The following DNAH7 variants were observed in gnomAD, a reference collection of about 807,000 sequenced individuals.
DNAH7 encodes axonemal beta dynein heavy chain 7.
A neutral mutation model predicts 444.6 loss-of-function variants in DNAH7; 397 were observed. The observed-to-expected ratio is 0.89, with a 90% CI of 0.82 to 0.97. The LOEUF (loss-of-function observed/expected upper bound fraction) is 0.97. DNAH7 is among the 50% of genes least tolerant of loss of function. DNAH7 has a pLI of 0.00. For synonymous variants in DNAH7, 1,636 were observed against 1,624.4 expected, an observed-to-expected ratio of 1.01 and a Z score of -0.17; for missense variants, 4,902 against 4,800.8, an observed-to-expected ratio of 1.02 and a Z score of -0.62.
intron 19 of DNAH7, among the ~76,000 whole-genome samples, chr2:195,947,428 T>C (rs1436483181): frequency 6.6e-6 from 1 of 152,188 alleles, no homozygotes; most frequent in African/African-American, 2.4e-5. Context: ...TTTCTCCTAA[T>C]GCTATCCCTC....
chr2:195,988,876 C>G (rs1693102507), intron 12 of DNAH7, among the ~76,000 whole-genome samples: 1 of 152,154 alleles, frequency 6.6e-6, no homozygotes, highest in African/African-American at 2.4e-5. Context: ...AACCACTACT[C>G]TACTCTTTAT....
intron 47 of DNAH7, among the ~76,000 whole-genome samples, chr2:195,840,035 A>G (rs1378115265): frequency 3.3e-5 from 5 of 151,790 alleles, no homozygotes; most frequent in Non-Finnish European, 7.4e-5. Context: ...TCTGAAAGCA[A>G]AACCATACAG....
At chr2:196,044,939 T>C (rs144663971) in intron 5 of DNAH7, among the ~76,000 whole-genome samples, 3 of 151,932 alleles carry the variant, frequency 2.0e-5, no homozygotes, top group African/African-American at 7.2e-5. Flanking sequence ...TAGTCAGGTG[T>C]TGTGGCACGT....
chr2:195,848,749 A>T, intron 46 of DNAH7, among the ~76,000 whole-genome samples: 1 of 152,134 alleles, frequency 6.6e-6, no homozygotes, highest in Non-Finnish European at 1.5e-5. Context: ...GGGGTTGGGT[A>T]TTTTGAATCA....
At chr2:195,960,104 G>C (rs1394143210) in intron 18 of DNAH7, among the ~76,000 whole-genome samples, 156 bp downstream of exon 18, 1 of 152,056 alleles carries the variant, frequency 6.6e-6, no homozygotes, top group Non-Finnish European at 1.5e-5. Context: ...TATTTAGTAT[G>C]AAATGCTAAG....
chr2:195,771,627 A>G (rs1441495968), intron 61 of DNAH7, 33 bp downstream of exon 61: 1 of 1,482,326 alleles, frequency 6.7e-7, no homozygotes, highest in African/African-American at 1.4e-5. Flanking sequence ...TATATAATTT[A>G]ATGGGGGTTT....
chr2:195,943,475 A>C (rs1689601600), intron 19 of DNAH7, among the ~76,000 whole-genome samples: 2 of 152,164 alleles, frequency 1.3e-5, no homozygotes, highest in South Asian at 4.1e-4. Flanking sequence ...GAAAACAAAA[A>C]TTCATTTCGT....
Position 196,001,665 on chromosome 2 carries a change from C to T in DNAH7, c.1173+10G>A. Reference sequence around the variant, plus strand: ...TGTAAATACATATTGGTGAACTGAACCATACTTACTGGGGGTTGTGCAATT... The same window carrying T: ...TGTAAATACATATTGGTGAACTGAATCATACTTACTGGGGGTTGTGCAATT... On this transcript the variant is annotated intron_variant, in intron 11 of 64. Transcript: ENST00000312428. 1 of 1,529,430 alleles carries T rather than the reference C, an allele frequency of 6.5e-7. No homozygotes were observed. Among genetic ancestry groups the T allele is most frequent in the South Asian group, 1.3e-5 (1 of 75,940 alleles). The allele number at this position is 1,529,430 out of a possible 1,614,324, so 94.7% of individuals were successfully genotyped here.
Position 195,897,604 on chromosome 2 carries a change from T to C in DNAH7, c.4647+63A>G, listed in dbSNP as rs1702395197. Reference sequence around the variant, plus strand: ...TTCCATAGTGGGAGCTTCACAACCTTAGACATGTGATAAATACATTATTAT... The same window carrying C: ...TTCCATAGTGGGAGCTTCACAACCTCAGACATGTGATAAATACATTATTAT... On this transcript the variant is annotated intron_variant, in intron 29 of 64. Transcript: ENST00000312428. 5.3e-6 allele frequency: 5 copies of C among 943,334 alleles called. No homozygotes were observed. In the Admixed American group the frequency reaches 8.7e-5, roughly 17 times the overall value. 58.4% of individuals were successfully genotyped at this position (943,334 alleles called of 1,614,324 possible).
chr2:195,773,777 A>G (rs917177922), intron 60 of DNAH7, among the ~76,000 whole-genome samples: 1 of 152,198 alleles, frequency 6.6e-6, no homozygotes, highest in African/African-American at 2.4e-5. Flanking sequence ...CTAGTTTTAT[A>G]ATATTCTAAG....
chr2:196,025,674 T>C (rs1435718283), intron 7 of DNAH7, among the ~76,000 whole-genome samples: 1 of 152,224 alleles, frequency 6.6e-6, no homozygotes, highest in African/African-American at 2.4e-5. Flanking sequence ...TATCTTCTGT[T>C]TCTTTCCTCT....
rs1335419290 is a variant in DNAH7, at chr2:195,864,666, A to G, written c.6989T>C (p.Leu2330Pro). The change falls in exon 41 of 65, where the codon CTG (leucine) becomes CCG (proline). Residue 2330 changes from leucine (L) to proline (P), a missense_variant. By Grantham distance (98) the Leu-to-Pro change is moderately conservative. Coordinates refer to ENST00000312428, the MANE Select transcript of DNAH7 (RefSeq NM_018897.3). ...IEHISRISRILKQPRSHALLV... is the reference protein window; with the variant it reads ...IEHISRISRIPKQPRSHALLV... ...GAGAGCATGGCTGCGAGGCTGCTTC[A>G]GGATCCTGGAAATTCTGCTGATGTG... 1 of 1,614,088 alleles carries G rather than the reference A, an allele frequency of 6.2e-7. No homozygotes were observed. Among genetic ancestry groups the G allele is most frequent in the African/African-American group, 1.3e-5 (1 of 74,938 alleles).
chr2:195,976,619 G>A (rs540399871), intron 15 of DNAH7, among the ~76,000 whole-genome samples: 14 of 152,226 alleles, frequency 9.2e-5, no homozygotes, highest in African/African-American at 2.4e-4. Flanking sequence ...CCTTAAATGA[G>A]AACCAGTGTT....
chr2:196,026,906 G>A lies in DNAH7; in HGVS notation c.521C>T (p.Thr174Ile), dbSNP rs771603013. ...YYYYIHHGID[T>I]DHVAPMEDSW... ...ATCTTCCATTGGGGCTACATGGTCT[G>A]TATCAATTCCATGGTGAATATAATA... Residue 174 changes from threonine (T) to isoleucine (I), a missense_variant, in exon 7 of 65, where the codon ACA (threonine) becomes ATA (isoleucine). Coordinates refer to ENST00000312428, the MANE Select transcript of DNAH7 (RefSeq NM_018897.3). 4 of 1,611,074 alleles carry A rather than the reference G, an allele frequency of 2.5e-6. No individual in the cohort carries two copies. The highest frequency in any genetic ancestry group is 3.4e-6 in the Non-Finnish European group (4 of 1,178,116).
chr2:195,833,819 T>A (rs749346884), intron 48 of DNAH7, among the ~76,000 whole-genome samples: 1 of 151,972 alleles, frequency 6.6e-6, no homozygotes, highest in Non-Finnish European at 1.5e-5. Flanking sequence ...GTAGTGGCAC[T>A]CTCTCGGCTC....
intron 40 of DNAH7, among the ~76,000 whole-genome samples, chr2:195,868,245 C>T (rs543845645): frequency 1.7e-3 from 252 of 151,652 alleles, no homozygotes; most frequent in African/African-American, 5.8e-3. Flanking sequence ...TACAGGTGCC[C>T]GCCACCACAC....
rs537891498 is a variant in DNAH7, at chr2:195,864,343, G to A, written c.7312C>T (p.Arg2438Cys). 5.6e-5 allele frequency: 90 copies of A among 1,614,106 alleles called. No homozygotes were observed. The East Asian group carries it at 1.4e-3, about 24-fold the overall frequency. The change falls in exon 41 of 65, where the codon CGT becomes TGT. Residue 2438 changes from arginine to cysteine, a missense_variant. Physicochemically the swap from Arg to Cys is radical, Grantham distance 180. Transcript: ENST00000312428. ...DEKQEICDKM[R>C]QLDRQRDKTK... ...TTATCCCGCTGGCGATCTAACTGAC[G>A]CATCTTATCACATATCTCTTGCTTC...
intron 12 of DNAH7, chr2:195,999,153 G>C (rs1399107602): frequency 7.0e-6 from 5 of 717,438 alleles, no homozygotes; most frequent in Non-Finnish European, 5.2e-6. Flanking sequence ...TAAAATGAGA[G>C]TTCTGAGGAG....
intron 5 of DNAH7, among the ~76,000 whole-genome samples, chr2:196,036,670 C>G (rs1352262870): frequency 6.6e-6 from 1 of 152,004 alleles, no homozygotes; most frequent in East Asian, 1.9e-4. Context: ...CAGTGCCCAC[C>G]TGCCCTACCC....
Sources: allele counts gnomAD v4.1 joint callset (sites outside exome capture counted in the v4.1 genomes callset), GRCh38; gene constraint gnomAD v4.1.1; transcripts MANE v1.5; gene names NCBI Gene and HGNC (gene_info 2026-07-23, HGNC 2026-07-21).